Variants in PER2 observed in about 807,000 individuals in gnomAD.
PER2 encodes period circadian protein homolog 2.
PER2 carries 66 observed loss-of-function variants against 121.0 expected under a neutral mutation model. That is an observed-to-expected ratio of 0.55 (90% CI 0.45 to 0.67). The LOEUF is 0.67. PER2 is among the 30% of genes least tolerant of loss of function. The pLI, the probability that PER2 is intolerant of heterozygous loss-of-function variation, is 0.00. For synonymous variants in PER2, 684 were observed against 659.9 expected, an observed-to-expected ratio of 1.04 and a Z score of -0.56; for missense variants, 1,521 against 1,635.0, an observed-to-expected ratio of 0.93 and a Z score of 1.20.
At chr2:238,286,172 G>A (rs1055184208) in intron 1 of PER2, among the ~76,000 whole-genome samples, 6 of 152,138 alleles carry the variant, frequency 3.9e-5, no homozygotes, top group Non-Finnish European at 8.8e-5. Flanking sequence ...CTAGCTCCCC[G>A]GTGGTCAGGG....
intron 6 of PER2, 50 bp downstream of exon 6, chr2:238,271,262 G>T: frequency 3.9e-6 from 6 of 1,531,714 alleles, no homozygotes; most frequent in Non-Finnish European, 5.4e-6. Flanking sequence ...CCAGCTCCTG[G>T]CCCCTTTCCC....
At chr2:238,262,120 C>T in intron 11 of PER2, 71 bp downstream of exon 11, 2 of 1,414,680 alleles carry the variant, frequency 1.4e-6, no homozygotes, top group Non-Finnish European at 2.0e-6. Flanking sequence ...CCATCTGTTG[C>T]TGGGAGGTGA....
chr2:238,252,847 C>A lies in PER2; in HGVS notation c.3111+65G>T. 2 of 1,387,696 alleles carry A rather than the reference C, an allele frequency of 1.4e-6. No individual in the cohort carries two copies. The highest frequency in any genetic ancestry group is 2.0e-6 in the Non-Finnish European group (2 of 980,072). The allele number at this position is 1,387,696 out of a possible 1,614,324, so 86.0% of individuals were successfully genotyped here. ...CCCCCATGTCTGAACTGAGGATGTG[C>A]GGCCGGCCTGCCAGGTGTGCTGTTT... is the stretch of plus-strand genomic sequence containing the variant. On this transcript the variant is annotated intron_variant, in intron 19 of 22. Transcript: ENST00000254657. This position sits in a 1 kb window ranked among gnomAD's most constrained non-coding sequence, Gnocchi z 4.2.
At chr2:238,283,797 T>C (rs1300344174) in intron 1 of PER2, among the ~76,000 whole-genome samples, 2 of 152,150 alleles carry the variant, frequency 1.3e-5, no homozygotes, top group Non-Finnish European at 2.9e-5. Context: ...ACCAAGGGCA[T>C]TCTCTCACTC....
intron 8 of PER2, among the ~76,000 whole-genome samples, chr2:238,266,874 C>G (rs144597710): frequency 6.6e-6 from 1 of 150,646 alleles, no homozygotes; most frequent in Non-Finnish European, 1.5e-5. Context: ...CCCGTCTCTA[C>G]TAAAATACAA....
chr2:238,288,947 T>C (rs1388212470), upstream of PER2, among the ~76,000 whole-genome samples: 1 of 152,208 alleles, frequency 6.6e-6, no homozygotes, highest in African/African-American at 2.4e-5. Flanking sequence ...AAGACGCACA[T>C]GGAACTCCAT....
At chr2:238,277,591 CT>C in intron 2 of PER2, 115 bp downstream of exon 2, 1 of 1,262,364 alleles carries the variant, frequency 7.9e-7, no homozygotes. Context: ...TTTCAAAAAT[CT>C]TGAAAAACTT....
chr2:238,274,483 T>C (rs946914970), intron 4 of PER2, among the ~76,000 whole-genome samples: 2 of 152,190 alleles, frequency 1.3e-5, no homozygotes, highest in African/African-American at 4.8e-5. Context: ...CATTTCTGAG[T>C]ATGCTCTGAA....
intron 1 of PER2, among the ~76,000 whole-genome samples, chr2:238,278,830 G>C (rs1696541482): frequency 6.6e-6 from 1 of 152,222 alleles, no homozygotes; most frequent in Non-Finnish European, 1.5e-5. Context: ...GGGATGGAGA[G>C]GGGCCAGGAC....
chr2:238,261,559 G>A, intron 12 of PER2, 170 bp downstream of exon 12: 4 of 660,562 alleles, frequency 6.1e-6, no homozygotes, highest in Non-Finnish European at 8.3e-6. Flanking sequence ...ACTATGGACT[G>A]TCTCGGACTA....
At chr2:238,298,356 T>A in the PER2 span, 1 of 152,236 alleles carries the variant, frequency 6.6e-6, no homozygotes, top group Admixed American at 6.5e-5. Flanking sequence ...CTTAAGCCTG[T>A]TCCCTGGCTC....
At chr2:238,266,077 G>A (rs1364813409) in intron 8 of PER2, among the ~76,000 whole-genome samples, 6 of 151,726 alleles carry the variant, frequency 4.0e-5, no homozygotes, top group Non-Finnish European at 7.4e-5. Context: ...CTAATTTTTT[G>A]TATTTTTAGT....
rs1202758198 is a variant in PER2 at position 238,268,300 on chromosome 2, G to A, written c.825-102C>T. 2 of 1,210,088 alleles carry A rather than the reference G, an allele frequency of 1.7e-6. No homozygotes were observed. Among genetic ancestry groups the A allele is most frequent in the Non-Finnish European group, 2.4e-6 (2 of 839,590 alleles). The allele number at this position is 1,210,088 out of a possible 1,614,324, so 75.0% of individuals were successfully genotyped here. On this transcript the variant is annotated intron_variant, in intron 7 of 22. Coordinates refer to ENST00000254657, the MANE Select transcript of PER2 (RefSeq NM_022817.3). The surrounding 1 kb of genome is among the most constrained non-coding windows in gnomAD (Gnocchi z 4.0). The stretch of plus-strand genomic sequence containing the variant: ...GGCCCCATGCCATGCTGCAGGTGAT[G>A]TGTACCTCTGCTCTGCCTGAGGAGC...
chr2:238,245,286 G>T lies in PER2; in HGVS notation c.*1089C>A. The T allele has an allele frequency of 3.1e-6, 1 of 317,794 alleles. No homozygotes were observed. Among genetic ancestry groups the T allele is most frequent in the Non-Finnish European group, 5.7e-6 (1 of 174,996 alleles). The allele number at this position is 317,794 out of a possible 1,614,324, so 19.7% of individuals were successfully genotyped here. Reference sequence around the variant, plus strand: ...TGACCTAAAAGTGCTGGGGACACTGGCAGAGGCCTGAAGCTGCTCCGAGAG... The same window carrying T: ...TGACCTAAAAGTGCTGGGGACACTGTCAGAGGCCTGAAGCTGCTCCGAGAG... On this transcript the variant is annotated 3_prime_UTR_variant, in exon 23 of 23. Transcript: ENST00000254657.
intron 22 of PER2, 198 bp downstream of exon 22, chr2:238,248,862 TGC>T: frequency 4.8e-6 from 3 of 629,088 alleles, no homozygotes; most frequent in Non-Finnish European, 8.8e-6. Flanking sequence ...TCACCGTGTT[TGC>T]CAGGATGGTC....
chr2:238,267,306 G>T (rs1409746431), intron 8 of PER2, among the ~76,000 whole-genome samples: 3 of 152,224 alleles, frequency 2.0e-5, no homozygotes, highest in African/African-American at 7.2e-5. Context: ...CATCAAGGTG[G>T]CACAATGCCT....
rs747739424 is a variant in PER2 at position 238,262,823 on chromosome 2, G to A, written c.1153+129C>T. The stretch of plus-strand genomic sequence containing the variant: ...AGTGCCAGGAGGGAGGCGGCGAGGC[G>A]GGCGTCTACCACCTGCTTGTCCTTA... On this transcript the variant is annotated intron_variant, in intron 10 of 22. Coordinates refer to ENST00000254657, the MANE Select transcript of PER2 (RefSeq NM_022817.3). 9.8e-5 allele frequency: 70 copies of A among 713,396 alleles called. 1 individual carries two copies. Among genetic ancestry groups the A allele is most frequent in the Non-Finnish European group, 1.5e-4 (60 of 392,744 alleles). The allele number at this position is 713,396 out of a possible 1,614,324, so 44.2% of individuals were successfully genotyped here.
At chr2:238,273,887 C>T (rs771652390) in intron 4 of PER2, among the ~76,000 whole-genome samples, 4 of 152,132 alleles carry the variant, frequency 2.6e-5, no homozygotes, top group African/African-American at 7.2e-5. Context: ...AGGATGGTCT[C>T]GATCTCTTGA....
rs772400328 is a variant in PER2, at chr2:238,253,377, G to T, written c.2646C>A (p.Pro882=). 3 of 1,612,518 alleles carry T rather than the reference G, an allele frequency of 1.9e-6. No individual in the cohort carries two copies. Among genetic ancestry groups the T allele is most frequent in the Non-Finnish European group, 2.5e-6 (3 of 1,179,030 alleles). ...PHASFTVPAV[P]VDLQHQFAVQ... is the part of the protein sequence containing the mutation. ...CTGCAAACTGGTGCTGGAGGTCCAC[G>T]GGCACAGCAGGCACTGTGAAGCTGG... Residue 882 remains proline, a synonymous_variant, in exon 19 of 23, where the codon CCC becomes CCA. Transcript: ENST00000254657. The surrounding 1 kb of genome is among the most constrained non-coding windows in gnomAD (Gnocchi z 5.6).
Sources: allele counts gnomAD v4.1 joint callset (sites outside exome capture counted in the v4.1 genomes callset), GRCh38; gene constraint gnomAD v4.1.1; non-coding constraint Gnocchi (gnomAD v3.1); transcripts MANE v1.5; gene names NCBI Gene and HGNC (gene_info 2026-07-23, HGNC 2026-07-21).